The following CEP72 variants were observed in gnomAD, a reference collection of about 807,000 sequenced individuals.
CEP72 encodes centrosomal protein of 72 kDa.
Under a neutral mutation model 65.7 loss-of-function variants are expected in CEP72, and 78 were observed. The observed-to-expected ratio is 1.19, with a 90% CI of 0.99 to 1.43. The LOEUF is 1.43. Ranked by LOEUF, CEP72 falls within the 40% of genes most tolerant of loss-of-function variation. The pLI, the probability that CEP72 is intolerant of heterozygous loss-of-function variation, is 0.00. For missense variants in CEP72, 914 were observed against 832.9 expected, an observed-to-expected ratio of 1.10 and a Z score of -1.20; for synonymous variants, 358 against 351.7, an observed-to-expected ratio of 1.02 and a Z score of -0.20.
At chr5:671,167 C>A (rs954247834), downstream of CEP72, among the ~76,000 whole-genome samples, 2 of 152,114 alleles carry the variant, frequency 1.3e-5, no homozygotes, top group African/African-American at 4.8e-5. Context: ...GGGATCAGCG[C>A]ACTGTCTCCC....
chr5:664,983 C>A, intron 2 of CEP72: 2 of 1,265,996 alleles, frequency 1.6e-6, no homozygotes, highest in Non-Finnish European at 2.2e-6. Flanking sequence ...CGCCCCCCAG[C>A]CCCCTCTGGG....
chr5:652,783 G>C (rs1561067556), intron 11 of CEP72, among the ~76,000 whole-genome samples: 1 of 152,202 alleles, frequency 6.6e-6, no homozygotes, highest in African/African-American at 2.4e-5. Context: ...CTGCTCCCAG[G>C]GGTCAGGACA....
chr5:637,928 C>T (rs1023781170), intron 7 of CEP72, 110 bp downstream of exon 7: 22 of 1,076,922 alleles, frequency 2.0e-5, no homozygotes, highest in Non-Finnish European at 2.6e-5. Context: ...CTGTGTCCCT[C>T]CCTGATGCAG....
chr5:658,181 C>A (rs1444674434), downstream of CEP72, among the ~76,000 whole-genome samples: 1 of 152,238 alleles, frequency 6.6e-6, no homozygotes, highest in African/African-American at 2.4e-5. Flanking sequence ...GGGGTAGAGA[C>A]CATCTCCAGC....
At chr5:665,308 G>C in exon 3 of CEP72, 1 of 1,608,572 alleles carries the variant, frequency 6.2e-7, no homozygotes, top group Non-Finnish European at 8.5e-7. Context: ...TGCAAGAGGA[G>C]CAGGAGGAAG....
At chr5:658,612 G>T (rs1580056298), downstream of CEP72, among the ~76,000 whole-genome samples, 1 of 107,520 alleles carries the variant, frequency 9.3e-6, no homozygotes, top group South Asian at 3.3e-4. Context: ...TCCCTGTTCT[G>T]TGTTTCTTTC....
At chr5:649,560 CTG>C (rs1163536220) in intron 11 of CEP72, among the ~76,000 whole-genome samples, 2 of 112,054 alleles carry the variant, frequency 1.8e-5, no homozygotes, top group Non-Finnish European at 1.8e-5. Context: ...TGAGGTGTGA[CTG>C]TGAGGCGTGG....
At position 653,122 on chromosome 5, in the gene CEP72, G is replaced by C; in HGVS notation, c.1913G>C (p.Ser638Thr). ...KKTMALFPHS[S>T]ASHGGCQAC Reference sequence around the variant, plus strand: ...ACCATGGCCCTGTTTCCACACAGCAGCGCCAGCCATGGAGGCTGCCAGGCC... The same window carrying C: ...ACCATGGCCCTGTTTCCACACAGCACCGCCAGCCATGGAGGCTGCCAGGCC... Residue 638 changes from serine to threonine, a missense_variant, in exon 12 of 12, where the codon AGC (serine) becomes ACC (threonine). Coordinates refer to ENST00000264935, the MANE Select transcript of CEP72 (RefSeq NM_018140.4). The C allele has an allele frequency of 1.2e-6, 2 of 1,611,644 alleles. No homozygotes were observed. The highest frequency in any genetic ancestry group is 1.7e-6 in the Non-Finnish European group (2 of 1,179,598).
chr5:653,111 T>A lies in CEP72; in HGVS notation c.1902T>A (p.Phe634Leu). ...YQELKKTMAL[F>L]PHSSASHGGC... ...AGCTCAAGAAGACCATGGCCCTGTT[T>A]CCACACAGCAGCGCCAGCCATGGAG... Residue 634 changes from phenylalanine (F) to leucine (L), a missense_variant, in exon 12 of 12, where the codon TTT becomes TTA. Transcript: ENST00000264935. 2.5e-6 allele frequency: 4 copies of A among 1,612,946 alleles called. No homozygotes were observed. Among genetic ancestry groups the A allele is most frequent in the Non-Finnish European group, 3.4e-6 (4 of 1,179,904 alleles).
At chr5:619,168 A>C in intron 2 of CEP72, 51 bp downstream of exon 2, 1 of 1,551,652 alleles carries the variant, frequency 6.4e-7, no homozygotes, top group Non-Finnish European at 8.9e-7. Context: ...CATCAGTGGA[A>C]AGTCCATTCA....
At chr5:627,092 A>G (rs534608555) in intron 4 of CEP72, among the ~76,000 whole-genome samples, 1 of 152,320 alleles carries the variant, frequency 6.6e-6, no homozygotes, top group East Asian at 1.9e-4. Flanking sequence ...GAGATTTGAT[A>G]TACTTTCTTC....
chr5:658,006 C>G (rs1739424608), downstream of CEP72, among the ~76,000 whole-genome samples: 1 of 152,166 alleles, frequency 6.6e-6, no homozygotes, highest in Non-Finnish European at 1.5e-5. Flanking sequence ...AGTTATGTGT[C>G]TCTAAGAATT....
Position 666,161 on chromosome 5 carries a change from C to T in CEP72, n.592+62C>T, listed in dbSNP as rs375793550. ...AGGCGACTTAGGGCTGGGCGCGGGC[C>T]GGCCCAGGGCTGCCCTCCCCACGCG... On this transcript the variant is annotated intron_variant and non_coding_transcript_variant, in intron 4 of 4. Coordinates refer to the CEP72 transcript ENST00000514507. 1.5e-4 allele frequency: 226 copies of T among 1,542,806 alleles called. No individual in the cohort carries two copies. The South Asian group carries it at 2.2e-3, about 15-fold the overall frequency.
intron 1 of CEP72, among the ~76,000 whole-genome samples, chr5:618,409 A>G (rs1736133785): frequency 1.1e-5 from 1 of 91,384 alleles, no homozygotes; most frequent in Non-Finnish European, 2.6e-5. Flanking sequence ...TTTATTCCAC[A>G]ATAGGACACA....
chr5:628,146 G>C (rs1181139616), intron 4 of CEP72, among the ~76,000 whole-genome samples: 2 of 152,222 alleles, frequency 1.3e-5, no homozygotes, highest in African/African-American at 4.8e-5. Context: ...CCGCCGGGTC[G>C]TCTTTGTGGA....
At chr5:661,086 AAAAT>A (rs1160413417), downstream of CEP72, 1 of 152,376 alleles carries the variant, frequency 6.6e-6, no homozygotes, top group Non-Finnish European at 1.5e-5. Context: ...CAGTAAATTA[AAAAT>A]AAATAAGCAC....
At position 642,254 on chromosome 5, in the gene CEP72, T is replaced by A. The variant is rs13179883; in HGVS notation, c.1539+1650T>A. 3.3e-3 allele frequency: 1,966 copies of A among 595,320 alleles called. 64 individuals are homozygous for A. Among genetic ancestry groups the A allele is most frequent in the East Asian group, 7.9e-3 (23 of 2,924 alleles). The allele number at this position is 595,320 out of a possible 1,614,324, so 36.9% of individuals were successfully genotyped here. A position where few individuals can be genotyped will look rare whatever the true frequency, so the allele number is the denominator to read the frequency against. On this transcript the variant is annotated intron_variant, in intron 9 of 11. Coordinates refer to ENST00000264935, the MANE Select transcript of CEP72 (RefSeq NM_018140.4). ...TGGTCCCCCGTCCAGAAGCCTCTGC[T>A]TTTAAACCAACGTGGCCCCTCCTCT...
chr5:650,445 T>C (rs1429148022), intron 11 of CEP72, among the ~76,000 whole-genome samples: 1 of 49,818 alleles, frequency 2.0e-5, no homozygotes, highest in Non-Finnish European at 3.4e-5. Flanking sequence ...TGGACTGAGG[T>C]GTGACTGTGA....
At chr5:634,704 C>T (rs1331374970) in intron 5 of CEP72, among the ~76,000 whole-genome samples, 2 of 151,908 alleles carry the variant, frequency 1.3e-5, no homozygotes, top group East Asian at 3.9e-4. Context: ...CACCTTTGTT[C>T]TGGGGTTGCT....
Sources: allele counts gnomAD v4.1 joint callset (sites outside exome capture counted in the v4.1 genomes callset), GRCh38; gene constraint gnomAD v4.1.1; transcripts MANE v1.5; gene names NCBI Gene and HGNC (gene_info 2026-07-23, HGNC 2026-07-21).